The following MAP7D2 variants were observed in gnomAD, a reference collection of about 807,000 sequenced individuals.
MAP7D2 encodes the protein MAP7 domain containing 2, also known as MAP7 domain-containing protein 2.
MAP7D2 carries 33 observed loss-of-function variants against 63.5 expected under a neutral mutation model. The observed-to-expected ratio is 0.52, with a 90% CI of 0.39 to 0.70. The LOEUF (loss-of-function observed/expected upper bound fraction) is 0.70, where lower values mean the gene tolerates loss of function less well. Ranked by LOEUF, MAP7D2 falls within the 30% of genes least tolerant of loss-of-function variation. MAP7D2 has a pLI of 0.00. For synonymous variants in MAP7D2, 224 were observed against 223.7 expected, an observed-to-expected ratio of 1.00 and a Z score of -0.01; for missense variants, 626 against 604.0, an observed-to-expected ratio of 1.04 and a Z score of -0.38.
intron 4 of MAP7D2, among the ~76,000 whole-genome samples, chrX:20,055,496 G>A (rs924296680): frequency 4.5e-5 from 5 of 111,839 alleles, no homozygotes; most frequent in Non-Finnish European, 9.4e-5. Flanking sequence ...CAAGGCAGAC[G>A]TTAGTGAGTT....
chrX:20,037,502 T>C (rs1288837789), intron 8 of MAP7D2, among the ~76,000 whole-genome samples: 1 of 111,658 alleles, frequency 9.0e-6, no homozygotes, highest in Non-Finnish European at 1.9e-5. Context: ...CTGTGGATGA[T>C]ATGCAGGCAC....
chrX:20,012,959 C>T, intron 14 of MAP7D2, 95 bp downstream of exon 14: 1 of 704,625 alleles, frequency 1.4e-6, no homozygotes, highest in Non-Finnish European at 2.2e-6. Flanking sequence ...CCAGCAGTCA[C>T]CCTCTTGGGA....
At chrX:20,089,281 T>C (rs1346397780) in intron 1 of MAP7D2, among the ~76,000 whole-genome samples, 2 of 112,232 alleles carry the variant, frequency 1.8e-5, no homozygotes, top group African/African-American at 3.2e-5. Context: ...CAATTACTCA[T>C]ATATGGACTC....
Position 20,016,263 on chromosome X carries a change from G to A in MAP7D2, c.1475C>T (p.Ala492Val). Residue 492 changes from alanine (A) to valine (V), a missense_variant, in exon 11 of 17, where the codon GCC becomes GTC. Transcript: ENST00000379643. The stretch of plus-strand genomic sequence containing the variant: ...CTTCCTTTCTTCTTCCTGCTTTCGG[G>A]CTTCCTCTTCTAGGCGAAGCCTTTC... ...EEERLRLEEEARKQEEERKRQ... is the reference protein window; with the variant it reads ...EEERLRLEEEVRKQEEERKRQ... The A allele has an allele frequency of 8.3e-7, 1 of 1,209,555 alleles. No homozygotes were observed. The highest frequency in any genetic ancestry group is 1.7e-5 in the African/African-American group (1 of 57,293).
chrX:20,107,297 G>A (rs1275359314), intron 1 of MAP7D2, among the ~76,000 whole-genome samples: 1 of 111,026 alleles, frequency 9.0e-6, no homozygotes, highest in African/African-American at 3.3e-5. Flanking sequence ...GGGGCTGGGC[G>A]CGGTGGCTCA....
chrX:20,089,376 T>C (rs1475791471), intron 1 of MAP7D2, among the ~76,000 whole-genome samples: 2 of 112,254 alleles, frequency 1.8e-5, no homozygotes, highest in East Asian at 5.6e-4. Context: ...TTTTAATAAG[T>C]ACCCCTAGAA....
chrX:20,015,371 G>A, intron 11 of MAP7D2, 44 bp from the exon 12 acceptor site: 1 of 1,064,674 alleles, frequency 9.4e-7, no homozygotes, highest in Non-Finnish European at 1.3e-6. Flanking sequence ...AATAAGCTAA[G>A]AAAACAGTGT....
chrX:20,068,154 T>A, intron 1 of MAP7D2, among the ~76,000 whole-genome samples: 1 of 112,426 alleles, frequency 8.9e-6, no homozygotes. Flanking sequence ...CAATGTGGAA[T>A]CTCTGTGTTC....
intron 5 of MAP7D2, among the ~76,000 whole-genome samples, chrX:20,051,311 AG>A (rs1419368967): frequency 3.6e-5 from 4 of 111,605 alleles, no homozygotes; most frequent in Non-Finnish European, 7.5e-5. Context: ...GCACTTTGGG[AG>A]GCCAAGGCAG....
At chrX:20,045,512 G>C (rs1177891955) in intron 6 of MAP7D2, among the ~76,000 whole-genome samples, 1 of 58,622 alleles carries the variant, frequency 1.7e-5, no homozygotes, top group East Asian at 6.4e-4. Flanking sequence ...GGGTGACAGA[G>C]AAAGACCCCA....
intron 8 of MAP7D2, among the ~76,000 whole-genome samples, chrX:20,037,882 T>A (rs1209718400): frequency 9.0e-6 from 1 of 111,621 alleles, no homozygotes; most frequent in Non-Finnish European, 1.9e-5. Context: ...GTGGATAGGA[T>A]GACTCGTTCT....
intron 1 of MAP7D2, among the ~76,000 whole-genome samples, chrX:20,089,625 A>G (rs1035631775): frequency 8.9e-6 from 1 of 112,174 alleles, no homozygotes. Context: ...GCATTATAAG[A>G]AGATCCCCAG....
At position 20,028,010 on chromosome X, in the gene MAP7D2, G is replaced by A. The variant is rs367547201; in HGVS notation, c.1008-2058C>T. 1.9e-4 allele frequency among the ~76,000 whole-genome samples: 21 copies of A among 111,023 alleles called. No individual in the cohort carries two copies. The South Asian group carries it at 3.5e-3, about 18-fold the overall frequency. On this transcript the variant is annotated intron_variant, in intron 8 of 16. Coordinates refer to ENST00000379643, the MANE Select transcript of MAP7D2 (RefSeq NM_001168465.2). ...ACAGTCAGACCAGGTCCTTACCCTG[G>A]CCATTTGGAGCTCAGACCTCCATTC...
chrX:20,091,679 C>G (rs2066074144), intron 1 of MAP7D2, among the ~76,000 whole-genome samples: 1 of 111,721 alleles, frequency 9.0e-6, no homozygotes. Flanking sequence ...CACTGTGCTT[C>G]TCTCTGACCT....
intron 1 of MAP7D2, 118 bp from the exon 2 acceptor site, chrX:20,064,923 C>T: frequency 1.1e-5 from 6 of 561,867 alleles, no homozygotes; most frequent in Non-Finnish European, 1.8e-5. Context: ...CATCCATCTC[C>T]ATCACTTCAA....
At chrX:20,078,816 C>T (rs2065707975) in intron 1 of MAP7D2, among the ~76,000 whole-genome samples, 1 of 110,126 alleles carries the variant, frequency 9.1e-6, no homozygotes, top group Admixed American at 9.8e-5. Context: ...CATTACCTGA[C>T]CACCACCATG....
chrX:20,112,485 C>T (rs974306562), intron 1 of MAP7D2, among the ~76,000 whole-genome samples: 4 of 111,663 alleles, frequency 3.6e-5, no homozygotes, highest in African/African-American at 1.3e-4. Flanking sequence ...TCAGACTGAC[C>T]TCAGAGGCAG....
chrX:20,051,936 G>C (rs1236249684), intron 5 of MAP7D2, among the ~76,000 whole-genome samples: 1 of 112,134 alleles, frequency 8.9e-6, no homozygotes, highest in Non-Finnish European at 1.9e-5. Context: ...ATCACTTCCA[G>C]GTTCCTGGTG....
intron 10 of MAP7D2, 152 bp from the exon 11 acceptor site, chrX:20,016,477 C>T (rs2073395988): frequency 1.8e-6 from 1 of 545,810 alleles, no homozygotes; most frequent in Admixed American, 3.1e-5. Flanking sequence ...ATTCATCCTT[C>T]CTGGAAATCC....
Sources: gnomAD v4.1 joint callset for allele counts (sites outside exome capture counted in the v4.1 genomes callset) on GRCh38, gnomAD v4.1.1 for gene constraint, MANE v1.5 for transcripts, NCBI Gene and HGNC (gene_info 2026-07-23, HGNC 2026-07-21) for gene names.